FUBP1: variants seen among roughly 807,000 people sequenced by gnomAD.
The protein encoded by FUBP1 is far upstream element binding protein 1.
In FUBP1, 16 loss-of-function variants were observed where a neutral mutation model predicts 94.9. The ratio of observed to expected loss-of-function variants is 0.17; its 90% CI spans 0.11 to 0.26. The LOEUF (loss-of-function observed/expected upper bound fraction) is 0.26, where lower values mean the gene tolerates loss of function less well. Among genes scored for constraint, FUBP1 ranks in the 10% least tolerant of loss-of-function variants. The probability of loss-of-function intolerance (pLI) is 1.00; values close to 1 mark genes in which losing one functional copy is unlikely to be tolerated. For synonymous variants in FUBP1, 279 were observed against 254.9 expected, an observed-to-expected ratio of 1.09 and a Z score of -0.90; for missense variants, 583 against 808.6, an observed-to-expected ratio of 0.72 and a Z score of 3.38.
intron 1 of FUBP1, among the ~76,000 whole-genome samples, chr1:77,975,081 T>G (rs1008404895): frequency 2.0e-5 from 3 of 152,266 alleles, no homozygotes. Context: ...TCATATTACT[T>G]GTATTGCTGG....
At position 77,965,162 on chromosome 1, in the gene FUBP1, A is replaced by G; in HGVS notation, c.543T>C (p.Asp181=). 1 of 1,612,528 alleles carries G rather than the reference A, an allele frequency of 6.2e-7. No individual in the cohort carries two copies. The highest frequency in any genetic ancestry group is 8.5e-7 in the Non-Finnish European group (1 of 1,178,654). Residue 181 remains aspartate, a synonymous_variant, in exon 8 of 20, where the codon GAT becomes GAC. Coordinates refer to ENST00000370768, the MANE Select transcript of FUBP1 (RefSeq NM_003902.5). The stretch of plus-strand genomic sequence containing the variant: ...TTTCTTGAACTGCATTTCCCGGTCC[A>G]TCGCCATGATGGAAGCCAGGAGCTG... ...GRPAPGFHHG[D]GPGNAVQEIM...
intron 19 of FUBP1, 135 bp downstream of exon 19, chr1:77,949,019 CG>C: frequency 1.1e-6 from 1 of 948,168 alleles, no homozygotes; most frequent in South Asian, 1.5e-5. Flanking sequence ...AACAATACAC[CG>C]TAGTACTTCA....
rs1349850519 is a variant in FUBP1 at position 77,964,391 on chromosome 1, G to A, written c.838-35C>T. ...AAAAGACTAAGTATTAAGAAAGCTAGCTTCTCAGGGTTTAAAGTAAAAAAA... is the reference window on the plus strand; with the variant it reads ...AAAAGACTAAGTATTAAGAAAGCTAACTTCTCAGGGTTTAAAGTAAAAAAA... On this transcript the variant is annotated intron_variant, in intron 10 of 19. Coordinates refer to ENST00000370768, the MANE Select transcript of FUBP1 (RefSeq NM_003902.5). The A allele has an allele frequency of 3.1e-6, 4 of 1,286,748 alleles. No homozygotes were observed. The Middle Eastern group carries it at 6.2e-4, about 198-fold the overall frequency. The allele number at this position is 1,286,748 out of a possible 1,614,324, so 79.7% of individuals were successfully genotyped here.
intron 1 of FUBP1, among the ~76,000 whole-genome samples, chr1:77,972,771 A>AAAAAG (rs372242562): frequency 9.4e-4 from 143 of 151,632 alleles, no homozygotes; most frequent in Admixed American, 2.3e-3. Flanking sequence ...CAAAAAAGAA[A>AAAAAG]AAAAGAAAAG....
upstream of FUBP1, chr1:77,979,182 T>G: frequency 1.6e-6 from 1 of 637,434 alleles, no homozygotes; most frequent in South Asian, 2.0e-5. Flanking sequence ...AACGCGCTGG[T>G]GTGGGTTAGG....
In FUBP1 at chr1:77,969,991, C is replaced by T. The variant is rs2102454937; in HGVS notation, c.145G>A (p.Ala49Thr). The T allele has an allele frequency of 6.4e-7, 1 of 1,561,790 alleles. No homozygotes were observed. The highest frequency in any genetic ancestry group is 2.3e-5 in the East Asian group (1 of 44,320). The change falls in exon 2 of 20, where the codon GCA (alanine) becomes ACA (threonine). Residue 49 changes from alanine (A) to threonine (T), a missense_variant. Transcript: ENST00000370768. ...RQIAAKIGGD[A>T]GTSLNSNDYG... Reference sequence around the variant, plus strand: ...TCATTTGAATTCAGTGATGTCCCTGCATCACCTCCAATTTTTGCTGCAATC... The same window carrying T: ...TCATTTGAATTCAGTGATGTCCCTGTATCACCTCCAATTTTTGCTGCAATC...
chr1:77,953,688 G>T (rs947460784), intron 18 of FUBP1, among the ~76,000 whole-genome samples: 9 of 151,266 alleles, frequency 5.9e-5, no homozygotes, highest in African/African-American at 2.2e-4. Context: ...CAGGGAAATG[G>T]TAAAAAAAAA....
chr1:77,950,590 T>C (rs1405773670), intron 18 of FUBP1, among the ~76,000 whole-genome samples: 2 of 152,248 alleles, frequency 1.3e-5, no homozygotes, highest in Non-Finnish European at 2.9e-5. Flanking sequence ...TGATGCCTTA[T>C]TTCCCCAATT....
intron 16 of FUBP1, 86 bp downstream of exon 16, chr1:77,960,098 A>T: frequency 1.1e-6 from 1 of 951,010 alleles, no homozygotes; most frequent in Admixed American, 2.1e-5. Flanking sequence ...GATGCATACA[A>T]ATGTAGAATC....
At chr1:77,967,793 G>C (rs1656786029) in intron 3 of FUBP1, 127 bp from the exon 4 acceptor site, 1 of 601,816 alleles carries the variant, frequency 1.7e-6, no homozygotes, top group Non-Finnish European at 2.8e-6. Flanking sequence ...CTTGAAGAGA[G>C]TCAAATTTTT....
intron 1 of FUBP1, 83 bp downstream of exon 1, chr1:77,978,802 C>A: frequency 6.6e-7 from 1 of 1,523,420 alleles, no homozygotes; most frequent in Non-Finnish European, 9.1e-7. Context: ...TCCTCTTCCT[C>A]ATGCGCTTAA....
At chr1:77,975,416 TAAAAA>T (rs144726257) in intron 1 of FUBP1, among the ~76,000 whole-genome samples, 1 of 143,418 alleles carries the variant, frequency 7.0e-6, no homozygotes, top group Non-Finnish European at 1.5e-5. Flanking sequence ...CTGATGGAAA[TAAAAA>T]AAAAAACAGC....
At position 77,947,916 on chromosome 1, in the gene FUBP1, T is replaced by TGAAA. The variant is rs1652506238; in HGVS notation, c.*846_*849dup. On this transcript the variant is annotated 3_prime_UTR_variant, in exon 20 of 20. Transcript: ENST00000370768. ...AGAAACACACTAACATTATATACAT[T>TGAAA]GAAAGAGTTGCTTCACATGGAAAAA... 1 of 985,250 alleles carries TGAAA rather than the reference T, an allele frequency of 1.0e-6. No individual in the cohort carries two copies. Among genetic ancestry groups the TGAAA allele is most frequent in the African/African-American group, 1.7e-5 (1 of 58,372 alleles). 61.0% of individuals were successfully genotyped at this position (985,250 alleles called of 1,614,324 possible). A position where few individuals can be genotyped will look rare whatever the true frequency, so the allele number is the denominator to read the frequency against.
intron 7 of FUBP1, among the ~76,000 whole-genome samples, chr1:77,966,023 A>G (rs1490293569): frequency 6.6e-6 from 1 of 152,270 alleles, no homozygotes; most frequent in Non-Finnish European, 1.5e-5. Context: ...CTCAAAAAAA[A>G]GAAAAGAAAA....
chr1:77,975,526 A>G (rs1658434924), intron 1 of FUBP1, among the ~76,000 whole-genome samples: 3 of 152,240 alleles, frequency 2.0e-5, no homozygotes, highest in Non-Finnish European at 4.4e-5. Context: ...GATCGAATAC[A>G]TAATGACTAA....
In FUBP1 at chr1:77,947,652, C is replaced by A; in HGVS notation, c.*1114G>T. 1.3e-6 allele frequency: 1 copy of A among 758,346 alleles called. No homozygotes were observed. Among genetic ancestry groups the A allele is most frequent in the South Asian group, 1.4e-5 (1 of 69,228 alleles). 47.0% of individuals were successfully genotyped at this position (758,346 alleles called of 1,614,324 possible). ...ATGCAAAGAGTAAAACAATGGATTT[C>A]AACAAAATATCAGAACTTCAGCATG... On this transcript the variant is annotated 3_prime_UTR_variant, in exon 20 of 20. Transcript: ENST00000370768.
Position 77,960,217 on chromosome 1 carries a change from G to T in FUBP1, c.1543C>A (p.Pro515Thr), listed in dbSNP as rs2102345332. Residue 515 changes from proline (P) to threonine (T), a missense_variant, in exon 16 of 20, where the codon CCA (proline) becomes ACA (threonine). By Grantham distance (38) the Pro-to-Thr change is conservative (BLOSUM62 -1). Coordinates refer to ENST00000370768, the MANE Select transcript of FUBP1 (RefSeq NM_003902.5). ...GGAGGAGCCTGCTGCTGCCAGTGTG[G>T]ATATGCATTTCCCCATCCCTGGGGA... ...YAPQGWGNAY[P>T]HWQQQAPPDP... 6.2e-7 allele frequency: 1 copy of T among 1,612,458 alleles called. No individual in the cohort carries two copies. Among genetic ancestry groups the T allele is most frequent in the South Asian group, 1.1e-5 (1 of 90,966 alleles).
chr1:77,974,162 G>C (rs1275812449), intron 1 of FUBP1, among the ~76,000 whole-genome samples: 1 of 143,576 alleles, frequency 7.0e-6, no homozygotes, highest in Non-Finnish European at 1.5e-5. Context: ...TTGAGATGGA[G>C]TCTCGCTCTG....
intron 14 of FUBP1, among the ~76,000 whole-genome samples, chr1:77,962,477 G>A (rs1655674251): frequency 6.6e-6 from 1 of 152,128 alleles, no homozygotes; most frequent in Non-Finnish European, 1.5e-5. Flanking sequence ...TGTCCTTCAA[G>A]TATGTTCCAC....
Sources: gnomAD v4.1 joint callset for allele counts (sites outside exome capture counted in the v4.1 genomes callset) on GRCh38, gnomAD v4.1.1 for gene constraint, MANE v1.5 for transcripts, NCBI Gene and HGNC (gene_info 2026-07-23, HGNC 2026-07-21) for gene names.